NFATC1: variants seen among roughly 807,000 people sequenced by gnomAD.
The protein encoded by NFATC1 is nuclear factor of activated T-cells, cytoplasmic 1.
NFATC1 carries 22 observed loss-of-function variants against 76.0 expected under a neutral mutation model. That is an observed-to-expected ratio of 0.29 (90% confidence interval 0.21 to 0.41). The LOEUF is 0.41. NFATC1 is among the 10% of genes least tolerant of loss of function. NFATC1 has a pLI of 1.00. For missense variants in NFATC1, 1,357 were observed against 1,337.7 expected (o/e 1.01, Z -0.23); for synonymous variants, 704 against 613.1 (o/e 1.15, Z -2.19).
chr18:79,448,679 G>A, intron 3 of NFATC1, 103 bp from the exon 4 acceptor site: 2 of 1,082,450 alleles, frequency 1.8e-6, no homozygotes, highest in East Asian at 2.4e-5. Flanking sequence ...GCAGGGCAGG[G>A]GGACACAGGC....
chr18:79,510,131 C>G (rs2090208569), intron 9 of NFATC1, among the ~76,000 whole-genome samples: 1 of 152,104 alleles, frequency 6.6e-6, no homozygotes, highest in South Asian at 2.1e-4. Flanking sequence ...AACTCATAGC[C>G]CCCCCCAAGG....
chr18:79,464,670 GTATA>G lies in NFATC1; in HGVS notation c.1960-2778_1960-2775del, dbSNP rs1310473098. On this transcript the variant is annotated intron_variant, in intron 7 of 9. Transcript: ENST00000427363. ...TGTTTGTGTGTGTGTGTGTGTGTGT[GTATA>G]TGTATGTGTATATATATATATTTAT... Among the ~76,000 whole-genome samples the G allele has an allele frequency of 6.2e-3, 687 of 111,342 alleles. 6 individuals carry two copies. Among genetic ancestry groups the G allele is most frequent in the Admixed American group, 9.3e-3 (104 of 11,180 alleles). The allele number at this position is 111,342 out of a possible 152,430, so 73.0% of individuals were successfully genotyped here.
chr18:79,429,678 CAG>C (rs984343418), intron 2 of NFATC1, among the ~76,000 whole-genome samples: 19 of 152,300 alleles, frequency 1.2e-4, no homozygotes, highest in Non-Finnish European at 2.6e-4. Context: ...TTGTCTGAAC[CAG>C]AGACACAGAT....
intron 8 of NFATC1, chr18:79,468,079 ACTTCAT>A: frequency 2.5e-6 from 2 of 796,540 alleles, no homozygotes; most frequent in Non-Finnish European, 3.0e-6. Context: ...TCCAGGGGTA[ACTTCAT>A]CTCCTGGGAC....
intron 9 of NFATC1, among the ~76,000 whole-genome samples, chr18:79,490,273 G>C (rs1600905120): frequency 6.6e-6 from 1 of 152,076 alleles, no homozygotes. Flanking sequence ...GTTAGGGTGG[G>C]GTGGTCCCTG....
chr18:79,444,130 T>C (rs1284484909), intron 3 of NFATC1, among the ~76,000 whole-genome samples: 1 of 152,166 alleles, frequency 6.6e-6, no homozygotes, highest in Non-Finnish European at 1.5e-5. Context: ...AAAAAAACTT[T>C]TTTCTAGAAC....
intron 9 of NFATC1, among the ~76,000 whole-genome samples, chr18:79,509,746 G>A (rs149145061): frequency 6.6e-6 from 1 of 152,264 alleles, no homozygotes; most frequent in African/African-American, 2.4e-5. Context: ...TGTGACAACT[G>A]TCAGCTCACG....
At chr18:79,448,552 G>T in intron 3 of NFATC1, 2 of 576,228 alleles carry the variant, frequency 3.5e-6, no homozygotes, top group Non-Finnish European at 6.2e-6. Flanking sequence ...GGATGCATAC[G>T]TGCAAGGCCC....
chr18:79,459,515 C>T (rs568758073), intron 6 of NFATC1, among the ~76,000 whole-genome samples: 33 of 152,250 alleles, frequency 2.2e-4, no homozygotes, highest in East Asian at 1.6e-3. Context: ...GCCCCGTGTG[C>T]GCCTCAGTGT....
intron 3 of NFATC1, among the ~76,000 whole-genome samples, chr18:79,447,314 CCCTGAGTGG>C (rs2087251468): frequency 6.6e-6 from 1 of 152,258 alleles, no homozygotes; most frequent in Non-Finnish European, 1.5e-5. Flanking sequence ...GCCTCGCTGG[CCCTGAGTGG>C]GCAGCAGGCA....
At chr18:79,520,528 G>T (rs1358411074) in intron 9 of NFATC1, among the ~76,000 whole-genome samples, 1 of 150,494 alleles carries the variant, frequency 6.6e-6, no homozygotes, top group African/African-American at 2.5e-5. Context: ...AAGACTCTGT[G>T]TGTGGGGGGG....
At chr18:79,486,010 C>T (rs1569020843) in intron 8 of NFATC1, among the ~76,000 whole-genome samples, 1 of 152,114 alleles carries the variant, frequency 6.6e-6, no homozygotes, top group Non-Finnish European at 1.5e-5. Context: ...TTTTATAGCA[C>T]GTTAGTGCTG....
At chr18:79,418,737 C>A (rs569723990) in intron 2 of NFATC1, among the ~76,000 whole-genome samples, 1 of 152,314 alleles carries the variant, frequency 6.6e-6, no homozygotes, top group African/African-American at 2.4e-5. Context: ...CATTTGGCAG[C>A]CCACGGTTTT....
At chr18:79,446,419 C>T (rs1412651362) in intron 3 of NFATC1, among the ~76,000 whole-genome samples, 3 of 152,234 alleles carry the variant, frequency 2.0e-5, no homozygotes, top group Admixed American at 6.5e-5. Flanking sequence ...TTTTGGTCAG[C>T]GACTCATTTA....
In NFATC1 at chr18:79,527,926, G is replaced by A. The variant is rs1054924749; in HGVS notation, c.*349G>A. On this transcript the variant is annotated 3_prime_UTR_variant, in exon 10 of 10. Coordinates refer to ENST00000427363, the MANE Select transcript of NFATC1 (RefSeq NM_001278669.2). ...CTGGCACCCCTGGGGTTCAATACTG[G>A]AAGTGCCTTATTTAACCAGACCATC... 1 of 435,404 alleles carries A rather than the reference G, an allele frequency of 2.3e-6. No individual in the cohort carries two copies. Among genetic ancestry groups the A allele is most frequent in the East Asian group, 3.2e-5 (1 of 30,952 alleles). The allele number at this position is 435,404 out of a possible 1,614,324, so 27.0% of individuals were successfully genotyped here.
intron 1 of NFATC1, among the ~76,000 whole-genome samples, chr18:79,402,961 C>T: frequency 6.6e-6 from 1 of 152,222 alleles, no homozygotes; most frequent in South Asian, 2.1e-4. Context: ...GCAAGGCAAA[C>T]TGGGTTTTAT....
chr18:79,433,552 C>A, intron 2 of NFATC1, 27 bp from the exon 3 acceptor site: 4 of 1,612,244 alleles, frequency 2.5e-6, no homozygotes, highest in Admixed American at 1.7e-5. Flanking sequence ...TGGTGCTGAA[C>A]GCCTCCTCTG....
Position 79,410,600 on chromosome 18 carries a change from C to T in NFATC1, c.325C>T (p.Pro109Ser). The T allele has an allele frequency of 6.2e-7, 1 of 1,612,776 alleles. No homozygotes were observed. The highest frequency in any genetic ancestry group is 2.2e-5 in the East Asian group (1 of 44,864). ...GYFLSSGHTR[P>S]DGAPALESPR... ...CTTCCTCTCCTCCGGCCACACCAGG[C>T]CTGATGGGGCCCCTGCCCTGGAGAG... The change falls in exon 2 of 10, where the codon CCT becomes TCT. Residue 109 changes from proline (P) to serine (S), a missense_variant. Transcript: ENST00000427363. This position sits in a 1 kb window ranked among gnomAD's most constrained non-coding sequence, Gnocchi z 6.7.
At chr18:79,525,823 C>T (rs1318837824) in intron 9 of NFATC1, among the ~76,000 whole-genome samples, 1 of 152,226 alleles carries the variant, frequency 6.6e-6, no homozygotes, top group Non-Finnish European at 1.5e-5. Context: ...ACCGTGTCTT[C>T]CTCCTGGGCA....
Sources: allele counts gnomAD v4.1 joint callset (sites outside exome capture counted in the v4.1 genomes callset), GRCh38; gene constraint gnomAD v4.1.1; non-coding constraint Gnocchi (gnomAD v3.1); transcripts MANE v1.5; gene names NCBI Gene and HGNC (gene_info 2026-07-23, HGNC 2026-07-21).